Variants in STAT5A observed in about 807,000 individuals in gnomAD.
The protein encoded by STAT5A is epididymis secretory sperm binding protein.
A neutral mutation model predicts 100.2 loss-of-function variants in STAT5A; 26 were observed. The ratio of observed to expected loss-of-function variants is 0.26; its 90% confidence interval spans 0.19 to 0.36. The LOEUF (loss-of-function observed/expected upper bound fraction) is 0.36. Among genes scored for constraint, STAT5A ranks in the 10% least tolerant of loss-of-function variants. The probability of loss-of-function intolerance (pLI) is 1.00; values close to 1 mark genes in which losing one functional copy is unlikely to be tolerated. For missense variants in STAT5A, 634 were observed against 1,027.5 expected, an observed-to-expected ratio of 0.62 and a Z score of 5.24; for synonymous variants, 330 against 424.3, an observed-to-expected ratio of 0.78 and a Z score of 2.73.
intron 4 of STAT5A, among the ~76,000 whole-genome samples, chr17:42,292,917 C>T (rs557979687): frequency 2.6e-5 from 4 of 152,188 alleles, no homozygotes; most frequent in African/African-American, 4.8e-5. Context: ...CGTGAGCCAC[C>T]GTGCCCGGCC....
Position 42,305,768 on chromosome 17 carries a change from A to C in STAT5A, c.1473+66A>C. ...CTAGGACTCACCTGGGGTCAGCCCC[A>C]CCCCTTGGGCCCCTGCTGAGTGGTC... On this transcript the variant is annotated intron_variant, in intron 12 of 18. Transcript: ENST00000590949. 5 of 1,538,296 alleles carry C rather than the reference A, an allele frequency of 3.3e-6. No homozygotes were observed. In the East Asian group the frequency reaches 1.1e-4, roughly 35 times the overall value.
At position 42,299,076 on chromosome 17, in the gene STAT5A, G is replaced by A. The variant is rs186326908; in HGVS notation, c.551-675G>A. On this transcript the variant is annotated intron_variant, in intron 5 of 18. Transcript: ENST00000590949. Reference sequence around the variant, plus strand: ...AAGAATCTCATCCTCCCCTGAGGAGGGACTGCTGTGCTCAGGGACGAGACA... The same window carrying A: ...AAGAATCTCATCCTCCCCTGAGGAGAGACTGCTGTGCTCAGGGACGAGACA... 9.7e-4 allele frequency among the ~76,000 whole-genome samples: 147 copies of A among 152,272 alleles called. 1 individual carries two copies. Among genetic ancestry groups the A allele is most frequent in the Admixed American group, 2.5e-3 (38 of 15,298 alleles).
chr17:42,306,757 T>C (rs1430870068), intron 13 of STAT5A, among the ~76,000 whole-genome samples: 1 of 151,988 alleles, frequency 6.6e-6, no homozygotes, highest in Non-Finnish European at 1.5e-5. Flanking sequence ...TCTCATTCTG[T>C]CACCCAGGCT....
chr17:42,301,527 T>C, intron 9 of STAT5A, 73 bp downstream of exon 9: 1 of 1,576,682 alleles, frequency 6.3e-7, no homozygotes, highest in Non-Finnish European at 8.6e-7. Flanking sequence ...TGTCCTTGCA[T>C]CCAGCTATGT....
Position 42,301,368 on chromosome 17 carries a change from C to G in STAT5A, c.1083C>G (p.Asn361Lys), listed in dbSNP as rs375582734. Reference protein sequence around the residue: ...TVRLLVGGKLNVHMNPPQVKA... With the variant: ...TVRLLVGGKLKVHMNPPQVKA... ...GCCTGCTGGTGGGCGGGAAGCTGAA[C>G]GTGCACATGAATCCCCCCCAGGTGA... The change falls in exon 9 of 19, where the codon AAC becomes AAG. Residue 361 changes from asparagine (N) to lysine (K), a missense_variant. Around this residue, in one of 5 missense-constraint regions of STAT5A, gnomAD observed 98 missense variants for 149.7 expected, o/e 0.65. Transcript: ENST00000590949. The G allele has an allele frequency of 6.2e-7, 1 of 1,614,066 alleles. No homozygotes were observed. Among genetic ancestry groups the G allele is most frequent in the African/African-American group, 1.3e-5 (1 of 74,908 alleles).
Position 42,295,771 on chromosome 17 carries a change from C to T in STAT5A, c.528C>T (p.Tyr176=), listed in dbSNP as rs1366338912. The part of the protein sequence containing the change: ...QQTQEYFIIQ[Y]QESLRIQAQF... ...CTCAGGAGTACTTCATCATCCAGTA[C>T]CAGGAGAGCCTGAGGATCCAAGGTG... The change falls in exon 5 of 19, where the codon TAC becomes TAT. Residue 176 remains tyrosine, a synonymous_variant. Transcript: ENST00000590949. The T allele has an allele frequency of 3.1e-6, 5 of 1,614,056 alleles. No individual in the cohort carries two copies. The highest frequency in any genetic ancestry group is 4.2e-6 in the Non-Finnish European group (5 of 1,180,006).
Position 42,304,720 on chromosome 17 carries a change from G to A in STAT5A, c.1380+68G>A. On this transcript the variant is annotated intron_variant, in intron 11 of 18. Transcript: ENST00000590949. This position sits in a 1 kb window ranked among gnomAD's most constrained non-coding sequence, Gnocchi z 4.8. ...CAAGAGGTGGAGGGGCCTGCCTCAG[G>A]ACTCCTGGCAGCAATGCCATCGGAC... is the stretch of plus-strand genomic sequence containing the variant. The A allele has an allele frequency of 6.3e-7, 1 of 1,597,360 alleles. No homozygotes were observed. The highest frequency in any genetic ancestry group is 8.5e-7 in the Non-Finnish European group (1 of 1,171,200).
intron 5 of STAT5A, among the ~76,000 whole-genome samples, chr17:42,296,520 C>T (rs2080919210): frequency 6.6e-6 from 1 of 152,202 alleles, no homozygotes. Context: ...AAATGTAACA[C>T]CTCATCTTAG....
intron 9 of STAT5A, 46 bp downstream of exon 9, chr17:42,301,500 A>G: frequency 6.2e-7 from 1 of 1,607,702 alleles, no homozygotes; most frequent in Non-Finnish European, 8.5e-7. Context: ...GGTGTGGGGG[A>G]CCTGCACCCC....
At chr17:42,301,513 G>GCTTTGTC in intron 9 of STAT5A, 59 bp downstream of exon 9, 4 of 1,597,342 alleles carry the variant, frequency 2.5e-6, no homozygotes, top group Non-Finnish European at 3.4e-6. Context: ...TGCACCCCCC[G>GCTTTGTC]CTTTGTCCTT....
chr17:42,299,615 T>C, intron 5 of STAT5A, 136 bp from the exon 6 acceptor site: 1 of 1,448,718 alleles, frequency 6.9e-7, no homozygotes. Flanking sequence ...CCCCTGGCTG[T>C]CAGGAACCCC....
At position 42,304,296 on chromosome 17, in the gene STAT5A, C is replaced by T. The variant is rs1217123030; in HGVS notation, c.1170-46C>T. The T allele has an allele frequency of 3.8e-6, 6 of 1,598,168 alleles. No individual in the cohort carries two copies. The highest frequency in any genetic ancestry group is 5.1e-6 in the Non-Finnish European group (6 of 1,166,810). On this transcript the variant is annotated intron_variant, in intron 9 of 18. Transcript: ENST00000590949. This position sits in a 1 kb window ranked among gnomAD's most constrained non-coding sequence, Gnocchi z 4.8. ...CCGAGGTGTGGACAGGACCATGCTC[C>T]TGGCCTGGGGCCCATGTGGAGCTGG...
At chr17:42,287,531 G>C (rs1311800835), upstream of STAT5A, 1 of 152,558 alleles carries the variant, frequency 6.6e-6, no homozygotes, top group Non-Finnish European at 1.5e-5. Flanking sequence ...CTCTTGGAGA[G>C]GGGGACTGAG....
At chr17:42,297,707 A>T (rs4029775) in intron 5 of STAT5A, among the ~76,000 whole-genome samples, 316 of 151,882 alleles carry the variant, frequency 2.1e-3, no homozygotes, top group African/African-American at 5.6e-3. Flanking sequence ...TGGGCAGGAT[A>T]CCCGAGGTAG....
intron 4 of STAT5A, among the ~76,000 whole-genome samples, chr17:42,295,383 T>C (rs7217728): frequency 0.37 from 56,280 of 152,006 alleles, 12,116 homozygotes; most frequent in African/African-American, 0.6. Flanking sequence ...TTGAAGGTGT[T>C]ACTATCTGCC....
chr17:42,304,407 T>C lies in STAT5A; in HGVS notation c.1235T>C (p.Leu412Pro). ...GAGTACCACCAAGCCACGGGCACCC[T>C]CAGTGCCCACTTCAGGAACATGGTG... ...VMEYHQATGT[L>P]SAHFRNMSLK... Residue 412 changes from leucine to proline, a missense_variant, in exon 10 of 19, where the codon CTC (leucine) becomes CCC (proline). Coordinates refer to ENST00000590949, the MANE Select transcript of STAT5A (RefSeq NM_001288718.2). The surrounding 1 kb of genome is among the most constrained non-coding windows in gnomAD (Gnocchi z 4.8). 1.2e-6 allele frequency: 2 copies of C among 1,614,192 alleles called. No individual in the cohort carries two copies. Among genetic ancestry groups the C allele is most frequent in the Non-Finnish European group, 1.7e-6 (2 of 1,180,024 alleles).
chr17:42,308,049 C>G lies in STAT5A; in HGVS notation c.1907-129C>G, dbSNP rs2081046785. On this transcript the variant is annotated intron_variant, in intron 15 of 18. Transcript: ENST00000590949. The surrounding 1 kb of genome is among the most constrained non-coding windows in gnomAD (Gnocchi z 4.6). ...CATCCCGCATCGGCTTTCTTCCCTACAGGCTGGGGCTGCAGCGCAAGCTAC... is the reference window on the plus strand; with the variant it reads ...CATCCCGCATCGGCTTTCTTCCCTAGAGGCTGGGGCTGCAGCGCAAGCTAC... 11 of 1,293,096 alleles carry G rather than the reference C, an allele frequency of 8.5e-6. No homozygotes were observed. The highest frequency in any genetic ancestry group is 1.2e-5 in the Non-Finnish European group (11 of 945,838). The allele number at this position is 1,293,096 out of a possible 1,614,324, so 80.1% of individuals were successfully genotyped here.
At chr17:42,301,547 T>C in intron 9 of STAT5A, 93 bp downstream of exon 9, 1 of 1,529,204 alleles carries the variant, frequency 6.5e-7, no homozygotes, top group Non-Finnish European at 8.9e-7. Flanking sequence ...TCTTGTCCCC[T>C]AGTTCACCGT....
rs531503155 is a variant in STAT5A at position 42,293,484 on chromosome 17, C to T, written c.375+1423C>T. Among the ~76,000 whole-genome samples the T allele has an allele frequency of 2.6e-5, 4 of 152,330 alleles. No homozygotes were observed. In the East Asian group the frequency reaches 7.7e-4, roughly 29 times the overall value. On this transcript the variant is annotated intron_variant, in intron 4 of 18. Coordinates refer to ENST00000590949, the MANE Select transcript of STAT5A (RefSeq NM_001288718.2). The stretch of plus-strand genomic sequence containing the variant: ...CCTCCCGAAGTGCTGGGATTACAGG[C>T]ATGAGCCACCACGCCCGGCCTATTA...
Sources: allele counts gnomAD v4.1 joint callset (sites outside exome capture counted in the v4.1 genomes callset), GRCh38; gene constraint gnomAD v4.1.1; regional missense constraint gnomAD v4.1.1; non-coding constraint Gnocchi (gnomAD v3.1); transcripts MANE v1.5; gene names NCBI Gene and HGNC (gene_info 2026-07-23, HGNC 2026-07-21).